The following THADA variants were observed in gnomAD, a reference collection of about 807,000 sequenced individuals.
THADA encodes the protein tRNA (32-2'-O)-methyltransferase regulator THADA.
In THADA, 213 loss-of-function variants were observed where a neutral mutation model predicts 219.8. The observed-to-expected ratio is 0.97, with a 90% CI of 0.87 to 1.09. THADA has a LOEUF of 1.09. THADA is among the 50% of genes least tolerant of loss of function. The probability of loss-of-function intolerance (pLI) is 0.00; values close to 1 mark genes in which losing one functional copy is unlikely to be tolerated. For missense variants in THADA, 2,956 were observed against 2,311.3 expected (o/e 1.28, Z -5.72); for synonymous variants, 1,018 against 828.9 (o/e 1.23, Z -3.92).
intron 29 of THADA, among the ~76,000 whole-genome samples, chr2:43,351,570 T>A (rs1409645747): frequency 1.3e-5 from 2 of 152,210 alleles, no homozygotes; most frequent in Non-Finnish European, 2.9e-5. Context: ...TTGATGATTT[T>A]AAAAAACTGT....
At chr2:43,383,610 G>T (rs1672290672) in intron 29 of THADA, among the ~76,000 whole-genome samples, 1 of 152,166 alleles carries the variant, frequency 6.6e-6, no homozygotes, top group African/African-American at 2.4e-5. Context: ...AATGAACATA[G>T]GAGTTTAACT....
At chr2:43,470,252 G>C (rs1684753029) in intron 26 of THADA, among the ~76,000 whole-genome samples, 1 of 149,750 alleles carries the variant, frequency 6.7e-6, no homozygotes, top group Non-Finnish European at 1.5e-5. Flanking sequence ...AAAGAAATCT[G>C]ACAATATGTA....
At chr2:43,439,276 AG>A (rs1341180230) in intron 26 of THADA, among the ~76,000 whole-genome samples, 2 of 127,640 alleles carry the variant, frequency 1.6e-5, no homozygotes, top group East Asian at 2.0e-4. Context: ...AGAGAGACGG[AG>A]AGAGAGAGAG....
intron 26 of THADA, among the ~76,000 whole-genome samples, chr2:43,431,626 C>G (rs866772877): frequency 1.6e-5 from 2 of 125,124 alleles, no homozygotes; most frequent in Admixed American, 1.8e-4. Flanking sequence ...CCACCACGCC[C>G]GGATAATTTT....
intron 31 of THADA, among the ~76,000 whole-genome samples, chr2:43,302,453 C>CTT (rs56965071): frequency 2.1e-5 from 3 of 141,246 alleles, no homozygotes; most frequent in African/African-American, 5.2e-5. Flanking sequence ...TTGGAATTAA[C>CTT]TTTTTTTTTT....
chr2:43,528,812 G>A (rs1693506277), intron 21 of THADA, among the ~76,000 whole-genome samples: 1 of 151,162 alleles, frequency 6.6e-6, no homozygotes, highest in Non-Finnish European at 1.5e-5. Context: ...TTTTTATTGT[G>A]GTAAAATATA....
Position 43,574,526 on chromosome 2 carries a change from A to T in THADA, c.1539T>A (p.Thr513=). Residue 513 remains threonine (T), a synonymous_variant, in exon 11 of 38, where the codon ACT becomes ACA. Transcript: ENST00000405975. Reference sequence around the variant, plus strand: ...ACTGGTCAATCCAAGAACTCTCAGCAGTCTGGGATTTCAAATGACTCTTAT... The same window carrying T: ...ACTGGTCAATCCAAGAACTCTCAGCTGTCTGGGATTTCAAATGACTCTTAT... ...RNHKSHLKSQ[T]AESSWIDQWH... 6.2e-7 allele frequency: 1 copy of T among 1,614,022 alleles called. No individual in the cohort carries two copies.
At chr2:43,538,611 A>G (rs1027195643) in intron 21 of THADA, 6 of 142,376 alleles carry the variant, frequency 4.2e-5, no homozygotes, top group African/African-American at 1.8e-4. Flanking sequence ...GAAAAATTAA[A>G]TGAGCAGCTC....
At chr2:43,494,120 C>T (rs1378782914) in intron 25 of THADA, among the ~76,000 whole-genome samples, 1 of 152,158 alleles carries the variant, frequency 6.6e-6, no homozygotes, top group Non-Finnish European at 1.5e-5. Flanking sequence ...TAGCAGCTGC[C>T]CAAGGGTTGT....
chr2:43,389,563 G>C (rs1475332953), intron 29 of THADA, among the ~76,000 whole-genome samples: 3 of 152,150 alleles, frequency 2.0e-5, no homozygotes, highest in Admixed American at 2.0e-4. Context: ...GAAGGCTACA[G>C]GCCTACAGAG....
chr2:43,402,823 G>C (rs558158556), intron 28 of THADA, among the ~76,000 whole-genome samples: 1 of 152,226 alleles, frequency 6.6e-6, no homozygotes, highest in Admixed American at 6.5e-5. Flanking sequence ...GGGAGTACTA[G>C]TCTAGGTGAT....
chr2:43,530,276 T>C (rs1693698768), intron 21 of THADA, among the ~76,000 whole-genome samples: 2 of 152,208 alleles, frequency 1.3e-5, no homozygotes, highest in Admixed American at 6.5e-5. Context: ...ATACTACCAG[T>C]TGTCAAGAGC....
chr2:43,392,680 G>A (rs1673533386), intron 29 of THADA, among the ~76,000 whole-genome samples: 1 of 151,920 alleles, frequency 6.6e-6, no homozygotes, highest in Admixed American at 6.6e-5. Context: ...AATCTATTGG[G>A]GTGCTCCAGA....
intron 31 of THADA, 37 bp from the exon 32 acceptor site, chr2:43,293,250 C>A (rs1270503379): frequency 6.4e-7 from 1 of 1,566,022 alleles, no homozygotes; most frequent in Non-Finnish European, 8.6e-7. Context: ...AAGAGATAAT[C>A]ACTTTAAATT....
At chr2:43,346,256 T>C (rs1667614250) in intron 29 of THADA, among the ~76,000 whole-genome samples, 1 of 152,162 alleles carries the variant, frequency 6.6e-6, no homozygotes, top group African/African-American at 2.4e-5. Context: ...ATATTTTTCT[T>C]TAAGAAAATA....
intron 26 of THADA, among the ~76,000 whole-genome samples, chr2:43,442,428 A>C (rs1194496165): frequency 7.9e-5 from 12 of 152,250 alleles, no homozygotes; most frequent in Middle Eastern, 6.8e-3. Flanking sequence ...CGACAGAGGG[A>C]GACTCGGAGT....
At chr2:43,279,651 GAC>G in intron 36 of THADA, 112 bp downstream of exon 36, 1 of 1,352,398 alleles carries the variant, frequency 7.4e-7, no homozygotes, top group Non-Finnish European at 9.8e-7. Flanking sequence ...GCAGAGTTGA[GAC>G]ACAGACCAAA....
chr2:43,280,136 C>G (rs953635001), intron 35 of THADA, among the ~76,000 whole-genome samples: 4 of 152,160 alleles, frequency 2.6e-5, no homozygotes, highest in Admixed American at 6.5e-5. Context: ...CGGAGGCAAC[C>G]AGCGCTAGGC....
chr2:43,292,743 C>A, intron 32 of THADA, 91 bp downstream of exon 32: 1 of 1,508,118 alleles, frequency 6.6e-7, no homozygotes, highest in Non-Finnish European at 8.9e-7. Context: ...AGAGCCTAAA[C>A]CCAATCTTGC....
Sources: allele counts gnomAD v4.1 joint callset (sites outside exome capture counted in the v4.1 genomes callset), GRCh38; gene constraint gnomAD v4.1.1; transcripts MANE v1.5; gene names NCBI Gene and HGNC (gene_info 2026-07-23, HGNC 2026-07-21).